Variants in ACOX2 observed in about 807,000 individuals in gnomAD.
The protein encoded by ACOX2 is acyl-CoA oxidase 2.
Under a neutral mutation model 77.5 loss-of-function variants are expected in ACOX2, and 59 were observed. The ratio of observed to expected loss-of-function variants is 0.76; its 90% CI spans 0.62 to 0.95. The LOEUF is 0.95. Among genes scored for constraint, ACOX2 ranks in the 40% least tolerant of loss-of-function variants. The pLI is 0.00. For missense variants in ACOX2, 837 were observed against 880.4 expected (o/e 0.95, Z 0.62); for synonymous variants, 317 against 340.1 (o/e 0.93, Z 0.75).
chr3:58,531,671 TGAG>T lies in ACOX2; in HGVS notation c.703+19_703+21del, dbSNP rs2063440811. ...GGGCTCTCCTCCTGGCAGGGTTCCT[TGAG>T]GGAGCATTATGGGCTTACCTGGCAG... On this transcript the variant is annotated intron_variant, in intron 6 of 14. Coordinates refer to ENST00000302819, the MANE Select transcript of ACOX2 (RefSeq NM_003500.4). This position sits in a 1 kb window ranked among gnomAD's most constrained non-coding sequence, Gnocchi z 5.8. 1.2e-6 allele frequency: 2 copies of T among 1,611,720 alleles called. No homozygotes were observed. Among genetic ancestry groups the T allele is most frequent in the Admixed American group, 3.3e-5 (2 of 59,766 alleles).
Position 58,534,128 on chromosome 3 carries a change from A to G in ACOX2, c.341T>C (p.Val114Ala), listed in dbSNP as rs1337107802. 1 of 1,614,142 alleles carries G rather than the reference A, an allele frequency of 6.2e-7. No individual in the cohort carries two copies. The highest frequency in any genetic ancestry group is 1.1e-5 in the South Asian group (1 of 91,074). Residue 114 changes from valine to alanine, a missense_variant, in exon 4 of 15, where the codon GTG (valine) becomes GCG (alanine). Val to Ala is a moderately conservative substitution (Grantham distance 64). Transcript: ENST00000302819. The surrounding 1 kb of genome is among the most constrained non-coding windows in gnomAD (Gnocchi z 4.8). The part of the protein sequence containing the change: ...GYAYRALSGD[V>A]ALNIHRVFVR... ...GAAGACTCTGTGTATATTTAAGGCC[A>G]CGTCTCCAGAAAGGGCTCTGTTGGG...
chr3:58,521,411 T>C lies in ACOX2; in HGVS notation c.1632+1085A>G, dbSNP rs1429834600. 1.3e-5 allele frequency among the ~76,000 whole-genome samples: 2 copies of C among 152,232 alleles called. No homozygotes were observed. The highest frequency in any genetic ancestry group is 2.9e-5 in the Non-Finnish European group (2 of 68,040). On this transcript the variant is annotated intron_variant, in intron 12 of 14. Coordinates refer to ENST00000302819, the MANE Select transcript of ACOX2 (RefSeq NM_003500.4). The surrounding 1 kb of genome is among the most constrained non-coding windows in gnomAD (Gnocchi z 4.8). ...TTATTGGCGGTGCCAGAGTCCCAGC[T>C]GCCTAAGCTAGAACTCAGGAGTTGT...
rs1018719028 is a variant in ACOX2, at chr3:58,515,389, A to G, written c.1850+1817T>C. ...TGAGTAGTCATAAAGGGCATGTAAC[A>G]TATTGCATATTGTGAGAAATAAAAG... On this transcript the variant is annotated intron_variant, in intron 13 of 14. Transcript: ENST00000302819. This position sits in a 1 kb window ranked among gnomAD's most constrained non-coding sequence, Gnocchi z 4.0. Among the ~76,000 whole-genome samples, 26 of 152,302 alleles carry G rather than the reference A, an allele frequency of 1.7e-4. No individual in the cohort carries two copies. Among genetic ancestry groups the G allele is most frequent in the Admixed American group, 1.4e-3 (22 of 15,302 alleles).
chr3:58,509,176 A>G, intron 13 of ACOX2, 151 bp from the exon 14 acceptor site: 3 of 944,440 alleles, frequency 3.2e-6, no homozygotes, highest in Admixed American at 5.5e-5. Context: ...TTATTTTTTA[A>G]TCAGTTATAT....
Position 58,535,186 on chromosome 3 carries a change from A to G in ACOX2, c.-80T>C, listed in dbSNP as rs2063473077. 2 of 1,571,342 alleles carry G rather than the reference A, an allele frequency of 1.3e-6. No individual in the cohort carries two copies. Among genetic ancestry groups the G allele is most frequent in the East Asian group, 4.5e-5 (2 of 44,586 alleles). On this transcript the variant is annotated 5_prime_UTR_variant, in exon 2 of 15. Transcript: ENST00000302819. The surrounding 1 kb of genome is among the most constrained non-coding windows in gnomAD (Gnocchi z 4.8). ...CGAGGGTCTGCTCTCAGCATTGGTC[A>G]GTGCAAAGAACCTGTGTGCAAGAGG...
chr3:58,531,772 C>T lies in ACOX2; in HGVS notation c.624G>A (p.Leu208=). ...TGCCCCGCCTGGCTCCTGAGCAGAT[C>T]AGCTGGGCCTGGACCAGGGCATGGG... is the stretch of plus-strand genomic sequence containing the variant. The part of the protein sequence containing the change: ...SATHALVQAQ[L]ICSGARRGMH... The change falls in exon 6 of 15, where the codon CTG becomes CTA. Residue 208 remains leucine, a synonymous_variant. Transcript: ENST00000302819. This position sits in a 1 kb window ranked among gnomAD's most constrained non-coding sequence, Gnocchi z 5.8. 6.2e-7 allele frequency: 1 copy of T among 1,614,190 alleles called. No individual in the cohort carries two copies. The highest frequency in any genetic ancestry group is 8.5e-7 in the Non-Finnish European group (1 of 1,180,026).
At chr3:58,529,234 T>G (rs1339141881) in intron 8 of ACOX2, 1 of 236,234 alleles carries the variant, frequency 4.2e-6, no homozygotes, top group Non-Finnish European at 8.1e-6. Flanking sequence ...TCCTAAAACC[T>G]GAAAAGTTCT....
chr3:58,510,380 C>T (rs2063269691), intron 13 of ACOX2, among the ~76,000 whole-genome samples: 1 of 151,758 alleles, frequency 6.6e-6, no homozygotes, highest in Non-Finnish European at 1.5e-5. Context: ...CACCTGTAAT[C>T]CCAGCAATTT....
Position 58,505,214 on chromosome 3 carries a change from G to A in ACOX2, c.*10C>T, listed in dbSNP as rs769731964. 2.5e-6 allele frequency: 4 copies of A among 1,610,840 alleles called. No individual in the cohort carries two copies. The South Asian group carries it at 4.4e-5, about 18-fold the overall frequency. ...TGGTGCTGGTTGCTTCTTGAATACT[G>A]TTGGTTATTTCATAGCTTGGATCTC... On this transcript the variant is annotated 3_prime_UTR_variant, in exon 15 of 15. Coordinates refer to ENST00000302819, the MANE Select transcript of ACOX2 (RefSeq NM_003500.4). This position sits in a 1 kb window ranked among gnomAD's most constrained non-coding sequence, Gnocchi z 4.4.
Position 58,531,641 on chromosome 3 carries a change from C to T in ACOX2, c.703+52G>A, listed in dbSNP as rs2063440528. 4 of 1,596,764 alleles carry T rather than the reference C, an allele frequency of 2.5e-6. No individual in the cohort carries two copies. In the South Asian group the frequency reaches 4.5e-5, roughly 18 times the overall value. On this transcript the variant is annotated intron_variant, in intron 6 of 14. Coordinates refer to ENST00000302819, the MANE Select transcript of ACOX2 (RefSeq NM_003500.4). This position sits in a 1 kb window ranked among gnomAD's most constrained non-coding sequence, Gnocchi z 5.8. ...CTCTGGGGCCCCAGGTCAGGGAGGC[C>T]ACCTGGGCTCTCCTCCTGGCAGGGT...
chr3:58,517,161 G>T (rs367591551), intron 13 of ACOX2, 45 bp downstream of exon 13: 2 of 1,598,842 alleles, frequency 1.3e-6, no homozygotes, highest in Middle Eastern at 2.2e-4. Context: ...AAGGGGTAGG[G>T]TTATTCTCTG....
In ACOX2 at chr3:58,531,908, A is replaced by G; in HGVS notation, c.584-96T>C. On this transcript the variant is annotated intron_variant, in intron 5 of 14. Transcript: ENST00000302819. This position sits in a 1 kb window ranked among gnomAD's most constrained non-coding sequence, Gnocchi z 5.8. ...CCTGGGGCTGGGGTTTTGGATGGGT[A>G]CCTCTGGGGCCCTGAAAAGTCACTG... is the stretch of plus-strand genomic sequence containing the variant. 2.8e-6 allele frequency: 4 copies of G among 1,444,298 alleles called. No homozygotes were observed. The highest frequency in any genetic ancestry group is 2.9e-5 in the South Asian group (2 of 67,916). 89.5% of individuals were successfully genotyped at this position (1,444,298 alleles called of 1,614,324 possible). A position where few individuals can be genotyped will look rare whatever the true frequency, so the allele number is the denominator to read the frequency against.
Position 58,531,450 on chromosome 3 carries a change from C to G in ACOX2, c.704-84G>C. On this transcript the variant is annotated intron_variant, in intron 6 of 14. Transcript: ENST00000302819. This position sits in a 1 kb window ranked among gnomAD's most constrained non-coding sequence, Gnocchi z 5.8. The stretch of plus-strand genomic sequence containing the variant: ...GGTATCATACACACATTCCAGGTCA[C>G]AGCAGCCTGTGACACTGGGATTATT... 7.4e-7 allele frequency: 1 copy of G among 1,347,162 alleles called. No individual in the cohort carries two copies. Among genetic ancestry groups the G allele is most frequent in the African/African-American group, 1.4e-5 (1 of 69,476 alleles). 83.5% of individuals were successfully genotyped at this position (1,347,162 alleles called of 1,614,324 possible).
Position 58,524,249 on chromosome 3 carries a change from G to C in ACOX2, c.1526+177C>G, listed in dbSNP as rs1301626395. 6.6e-6 allele frequency among the ~76,000 whole-genome samples: 1 copy of C among 152,216 alleles called. No individual in the cohort carries two copies. The highest frequency in any genetic ancestry group is 2.4e-5 in the African/African-American group (1 of 41,460). ...AAGTGACGGGGGTCCATGGCTGATG[G>C]GGGGGACATCCCCTCTCTCTGCCCA... On this transcript the variant is annotated intron_variant, in intron 11 of 14. Coordinates refer to ENST00000302819, the MANE Select transcript of ACOX2 (RefSeq NM_003500.4). The surrounding 1 kb of genome is among the most constrained non-coding windows in gnomAD (Gnocchi z 5.5).
chr3:58,532,812 G>C (rs189987388), intron 5 of ACOX2, among the ~76,000 whole-genome samples: 50 of 152,308 alleles, frequency 3.3e-4, no homozygotes, highest in South Asian at 1.2e-3. Flanking sequence ...CACAAGGTGT[G>C]GGTCCCCAAG....
Position 58,522,640 on chromosome 3 carries a change from A to G in ACOX2, c.1527-39T>C, listed in dbSNP as rs376290029. 1.3e-6 allele frequency: 2 copies of G among 1,587,390 alleles called. No individual in the cohort carries two copies. Among genetic ancestry groups the G allele is most frequent in the African/African-American group, 2.7e-5 (2 of 74,388 alleles). ...CAAAAAAGGTTCAGCTTCCTGACTG[A>G]GTGGAAAAGACAACTGATGGGCTTC... On this transcript the variant is annotated intron_variant, in intron 11 of 14. Coordinates refer to ENST00000302819, the MANE Select transcript of ACOX2 (RefSeq NM_003500.4). This position sits in a 1 kb window ranked among gnomAD's most constrained non-coding sequence, Gnocchi z 4.3.
In ACOX2 at chr3:58,535,037, T is replaced by C. The variant is rs928024964; in HGVS notation, c.70A>G (p.Ser24Gly). The C allele has an allele frequency of 1.2e-6, 2 of 1,614,090 alleles. No homozygotes were observed. Among genetic ancestry groups the C allele is most frequent in the African/African-American group, 1.3e-5 (1 of 74,924 alleles). ...TCAAAGGACTGCATATACCTCTCGC[T>C]CTCTATGTCGGGGTGCATTTGCCTG... ...WSRQMHPDIESERYMQSFDVE... is the reference protein window; with the variant it reads ...WSRQMHPDIEGERYMQSFDVE... The change falls in exon 2 of 15, where the codon AGC (serine) becomes GGC (glycine). Residue 24 changes from serine (S) to glycine (G), a missense_variant. By Grantham distance (56) the Ser-to-Gly change is moderately conservative (BLOSUM62 0). Transcript: ENST00000302819. The surrounding 1 kb of genome is among the most constrained non-coding windows in gnomAD (Gnocchi z 4.8).
intron 8 of ACOX2, among the ~76,000 whole-genome samples, chr3:58,529,907 G>A (rs11712019): frequency 0.062 from 9,460 of 152,290 alleles, 392 homozygotes; most frequent in African/African-American, 0.12. Flanking sequence ...CTGTGCTGTG[G>A]GGTGGAGGGA....
intron 12 of ACOX2, among the ~76,000 whole-genome samples, chr3:58,518,843 T>C (rs943280747): frequency 6.6e-6 from 1 of 151,740 alleles, no homozygotes; most frequent in Non-Finnish European, 1.5e-5. Context: ...TCTTGCTATG[T>C]TGCCTACACT....
Sources: allele counts gnomAD v4.1 joint callset (sites outside exome capture counted in the v4.1 genomes callset), GRCh38; gene constraint gnomAD v4.1.1; non-coding constraint Gnocchi (gnomAD v3.1); transcripts MANE v1.5; gene names NCBI Gene and HGNC (gene_info 2026-07-23, HGNC 2026-07-21).